Variants in FGD6 observed in about 807,000 individuals in gnomAD.
FGD6 encodes FYVE, RhoGEF and PH domain-containing protein 6.
In FGD6, 90 loss-of-function variants were observed where a neutral mutation model predicts 149.4. That is an observed-to-expected ratio of 0.60 (90% CI 0.51 to 0.72). FGD6 has a LOEUF of 0.72. Among genes scored for constraint, FGD6 ranks in the 30% least tolerant of loss-of-function variants. The pLI is 0.00. For synonymous variants in FGD6, 527 were observed against 584.0 expected (o/e 0.90, Z 1.41); for missense variants, 1,437 against 1,684.8 (o/e 0.85, Z 2.57).
At chr12:95,093,408 G>A (rs1057497491) in intron 15 of FGD6, among the ~76,000 whole-genome samples, 17 of 151,282 alleles carry the variant, frequency 1.1e-4, no homozygotes, top group Admixed American at 4.6e-4. Context: ...TGCCAGGCGC[G>A]GTGGCTCACG....
intron 15 of FGD6, among the ~76,000 whole-genome samples, chr12:95,094,350 A>G (rs1230219968): frequency 6.6e-6 from 1 of 152,152 alleles, no homozygotes; most frequent in Non-Finnish European, 1.5e-5. Flanking sequence ...ATTTCCTACA[A>G]TGAAGTTTTA....
rs2056840429 is a variant in FGD6 at position 95,217,333 on chromosome 12, GC to G, written c.-94del. 1 of 1,448,556 alleles carries G rather than the reference GC, an allele frequency of 6.9e-7. No individual in the cohort carries two copies. The highest frequency in any genetic ancestry group is 1.4e-5 in the South Asian group (1 of 73,890). 89.7% of individuals were successfully genotyped at this position (1,448,556 alleles called of 1,614,324 possible). A position where few individuals can be genotyped will look rare whatever the true frequency, so the allele number is the denominator to read the frequency against. ...CCCACAGTTCGGGTAGGAGAGAAAA[GC>G]CCCCGCAGCGCCCACATTCCGTCCC... On this transcript the variant is annotated 5_prime_UTR_variant, in exon 1 of 21. An upstream open reading frame in the 5' UTR loses its in-frame stop. Coordinates refer to ENST00000343958, the MANE Select transcript of FGD6 (RefSeq NM_018351.4).
intron 18 of FGD6, 31 bp from the exon 19 acceptor site, chr12:95,085,939 G>A (rs1292484075): frequency 6.3e-7 from 1 of 1,577,920 alleles, no homozygotes; most frequent in East Asian, 2.2e-5. Flanking sequence ...AAAGTTTAAT[G>A]GTTTTCAGAC....
intron 13 of FGD6, 58 bp downstream of exon 13, chr12:95,106,896 A>AC: frequency 1.7e-6 from 2 of 1,182,252 alleles, no homozygotes; most frequent in African/African-American, 3.1e-5. Context: ...CCCGTCTCAA[A>AC]CAAAACAAAA....
chr12:95,117,437 T>TG (rs139027766), intron 8 of FGD6, among the ~76,000 whole-genome samples: 1 of 110,308 alleles, frequency 9.1e-6, no homozygotes, highest in Non-Finnish European at 1.9e-5. Context: ...TTTTTCTTTC[T>TG]TTTTTTGGAG....
At chr12:95,093,919 G>A (rs1878153298) in intron 15 of FGD6, among the ~76,000 whole-genome samples, 1 of 151,824 alleles carries the variant, frequency 6.6e-6, no homozygotes, top group Non-Finnish European at 1.5e-5. Flanking sequence ...CAGCACTTTG[G>A]AAGGCCGAGG....
intron 8 of FGD6, among the ~76,000 whole-genome samples, chr12:95,120,069 A>C (rs887374849): frequency 2.0e-5 from 3 of 151,906 alleles, no homozygotes; most frequent in Non-Finnish European, 4.4e-5. Context: ...TCTCTACCAA[A>C]AATACAAAAG....
intron 5 of FGD6, among the ~76,000 whole-genome samples, chr12:95,148,180 CA>C (rs1235835805): frequency 1.3e-5 from 2 of 148,686 alleles, no homozygotes. Context: ...AAATGGTTCA[CA>C]AGACTCAAAA....
intron 20 of FGD6, among the ~76,000 whole-genome samples, chr12:95,082,654 CAAA>C (rs71075900): frequency 4.4e-5 from 3 of 67,782 alleles, no homozygotes; most frequent in Admixed American, 1.8e-4. Context: ...GAGACTGTCT[CAAA>C]AAAAAAAAAA....
chr12:95,209,010 T>C lies in FGD6; in HGVS notation c.2274A>G (p.Pro758=), dbSNP rs762587857. 5 of 1,614,048 alleles carry C rather than the reference T, an allele frequency of 3.1e-6. No homozygotes were observed. Among genetic ancestry groups the C allele is most frequent in the Non-Finnish European group, 4.2e-6 (5 of 1,180,024 alleles). The part of the protein sequence containing the change: ...YENIRHYEEI[P]EYENLPFIMA... ...TAATAAATGGCAAGTTCTCGTACTC[T>C]GGTATTTCCTCATAATGGCGTATAT... The change falls in exon 2 of 21, where the codon CCA becomes CCG. Residue 758 remains proline, a synonymous_variant. Transcript: ENST00000343958.
chr12:95,191,939 T>C (rs1417358960), intron 2 of FGD6, among the ~76,000 whole-genome samples: 1 of 152,134 alleles, frequency 6.6e-6, no homozygotes, highest in Non-Finnish European at 1.5e-5. Flanking sequence ...GGTTTCACCA[T>C]ATTGGCCAGG....
At position 95,094,676 on chromosome 12, in the gene FGD6, A is replaced by T. The variant is rs1276249782; in HGVS notation, c.3516T>A (p.Asp1172Glu). 1 of 1,613,490 alleles carries T rather than the reference A, an allele frequency of 6.2e-7. No individual in the cohort carries two copies. The highest frequency in any genetic ancestry group is 8.5e-7 in the Non-Finnish European group (1 of 1,179,844). Residue 1172 changes from aspartate (D) to glutamate (E), a missense_variant, in exon 15 of 21, where the codon GAT becomes GAA. Asp to Glu is a conservative substitution (Grantham distance 45). Transcript: ENST00000343958. ...ILSASSATER[D>E]EWLEAISRAI... Reference sequence around the variant, plus strand: ...CCCTGGAAATCGCTTCTAGCCATTCATCCCTTTCTGTGGCAGAACTGTTGG... The same window carrying T: ...CCCTGGAAATCGCTTCTAGCCATTCTTCCCTTTCTGTGGCAGAACTGTTGG...
chr12:95,108,576 A>G lies in FGD6; in HGVS notation c.3134-15T>C. 6.2e-7 allele frequency: 1 copy of G among 1,613,906 alleles called. No individual in the cohort carries two copies. Among genetic ancestry groups the G allele is most frequent in the Non-Finnish European group, 8.5e-7 (1 of 1,179,786 alleles). ...AGCAAGGGCATCTGAAATAGGCAGG[A>G]ACAAAACGTGCATTTAGTAATTACA... On this transcript the variant is annotated splice_polypyrimidine_tract_variant and intron_variant, in intron 9 of 20. Coordinates refer to ENST00000343958, the MANE Select transcript of FGD6 (RefSeq NM_018351.4).
At chr12:95,188,422 A>C (rs772404079) in intron 2 of FGD6, among the ~76,000 whole-genome samples, 1 of 152,188 alleles carries the variant, frequency 6.6e-6, no homozygotes, top group African/African-American at 2.4e-5. Context: ...CCACAGACAC[A>C]GGAGAAGGAA....
At chr12:95,088,440 G>C (rs763625989) in intron 18 of FGD6, among the ~76,000 whole-genome samples, 3 of 152,124 alleles carry the variant, frequency 2.0e-5, no homozygotes, top group Non-Finnish European at 4.4e-5. Context: ...ATTACTGAGA[G>C]TACTGAGGCT....
intron 8 of FGD6, among the ~76,000 whole-genome samples, chr12:95,117,423 T>G (rs1385551019): frequency 6.8e-6 from 1 of 147,310 alleles, no homozygotes; most frequent in Non-Finnish European, 1.5e-5. Flanking sequence ...CAAGCTGCCT[T>G]TTTTTTTTCT....
At chr12:95,102,467 A>AAAAAC (rs1878481321) in intron 14 of FGD6, among the ~76,000 whole-genome samples, 1 of 137,116 alleles carries the variant, frequency 7.3e-6, no homozygotes, top group Admixed American at 7.4e-5. Flanking sequence ...AAAAAAAAAA[A>AAAAAC]CACAACAACA....
At chr12:95,206,826 G>A (rs2056695267) in intron 2 of FGD6, among the ~76,000 whole-genome samples, 2 of 152,164 alleles carry the variant, frequency 1.3e-5, no homozygotes, top group South Asian at 4.1e-4. Context: ...TTAGACAAGG[G>A]AGGAAAGTAG....
chr12:95,210,769 AC>A lies in FGD6; in HGVS notation c.514del (p.Val172LeufsTer3), dbSNP rs35667453. ...TTCTAAAACGCTTGCCTTTAAAACAACCCCACCCTGGTTCTTGGCTTTTTCA... is the reference window on the plus strand; with the variant it reads ...TTCTAAAACGCTTGCCTTTAAAACAACCCACCCTGGTTCTTGGCTTTTTCA... ...YGEKAKNQGGVVLKASVLEEE... is the reference protein window; with the variant it reads ...YGEKAKNQGGXVLKASVLEEE... On this transcript the variant is annotated frameshift_variant, in exon 2 of 21. Transcript: ENST00000343958. LOFTEE classifies it high-confidence loss of function. 6.2e-7 allele frequency: 1 copy of A among 1,613,990 alleles called. No individual in the cohort carries two copies. Among genetic ancestry groups the A allele is most frequent in the Non-Finnish European group, 8.5e-7 (1 of 1,180,006 alleles).
Sources: gnomAD v4.1 joint callset for allele counts (sites outside exome capture counted in the v4.1 genomes callset) on GRCh38, gnomAD v4.1.1 for gene constraint, MANE v1.5 for transcripts, NCBI Gene and HGNC (gene_info 2026-07-23, HGNC 2026-07-21) for gene names.